HS3ST4: variants seen among roughly 807,000 people sequenced by gnomAD.
HS3ST4 encodes heparan sulfate-glucosamine 3-sulfotransferase 4.
In HS3ST4, 17 loss-of-function variants were observed where a neutral mutation model predicts 29.2. The ratio of observed to expected loss-of-function variants is 0.58; its 90% CI spans 0.40 to 0.87. The LOEUF is 0.87. HS3ST4 is among the 40% of genes least tolerant of loss of function. HS3ST4 has a pLI of 0.00. For synonymous variants in HS3ST4, 314 were observed against 285.7 expected (o/e 1.10, Z -1.00); for missense variants, 627 against 634.5 (o/e 0.99, Z 0.13).
chr16:26,073,783 A>G (rs1489131413), intron 1 of HS3ST4, among the ~76,000 whole-genome samples: 1 of 152,180 alleles, frequency 6.6e-6, no homozygotes, highest in African/African-American at 2.4e-5. Context: ...TATGGTACCA[A>G]ATATCCTGGG....
intron 1 of HS3ST4, among the ~76,000 whole-genome samples, chr16:25,779,412 T>G (rs1455808535): frequency 6.6e-6 from 1 of 152,228 alleles, no homozygotes; most frequent in East Asian, 1.9e-4. Context: ...GATCCAAGGC[T>G]ATGTAAGTCT....
intron 1 of HS3ST4, among the ~76,000 whole-genome samples, chr16:25,839,143 G>T (rs565192360): frequency 5.3e-5 from 8 of 152,266 alleles, no homozygotes; most frequent in African/African-American, 9.6e-5. Flanking sequence ...ATCCTCCTTG[G>T]TATTGATCCT....
intron 1 of HS3ST4, among the ~76,000 whole-genome samples, chr16:26,018,330 T>C (rs1321348327): frequency 2.0e-5 from 3 of 152,150 alleles, no homozygotes; most frequent in Non-Finnish European, 4.4e-5. Flanking sequence ...AGGGGAGTTG[T>C]TGGGGGGCAC....
chr16:26,071,214 A>G (rs1898600049), intron 1 of HS3ST4, among the ~76,000 whole-genome samples: 2 of 152,220 alleles, frequency 1.3e-5, no homozygotes, highest in African/African-American at 2.4e-5. Flanking sequence ...GAGGGAGCAC[A>G]TAAAACAGAA....
intron 1 of HS3ST4, among the ~76,000 whole-genome samples, chr16:25,759,181 T>C (rs1229486421): frequency 1.3e-5 from 2 of 152,122 alleles, no homozygotes; most frequent in Non-Finnish European, 2.9e-5. Context: ...TGACAAATGA[T>C]CAGAGCTCTT....
chr16:25,847,153 A>G (rs564243873), intron 1 of HS3ST4, among the ~76,000 whole-genome samples: 25 of 152,234 alleles, frequency 1.6e-4, no homozygotes, highest in African/African-American at 5.8e-4. Context: ...TGTTTCAGTC[A>G]AGGAACATGG....
At chr16:25,816,416 G>A (rs967322280) in intron 1 of HS3ST4, among the ~76,000 whole-genome samples, 4 of 152,070 alleles carry the variant, frequency 2.6e-5, no homozygotes, top group African/African-American at 4.8e-5. Flanking sequence ...CCAGACTCGT[G>A]GACTGTCTTA....
intron 1 of HS3ST4, among the ~76,000 whole-genome samples, chr16:25,989,181 T>C (rs1969092445): frequency 6.6e-6 from 1 of 152,222 alleles, no homozygotes. Flanking sequence ...CAAAACTCCG[T>C]GATTGGTGTA....
chr16:25,777,111 A>G (rs941308881), intron 1 of HS3ST4, among the ~76,000 whole-genome samples: 4 of 152,192 alleles, frequency 2.6e-5, no homozygotes, highest in Admixed American at 1.3e-4. Context: ...GGTGTCCACA[A>G]TGCTCCCCTG....
At chr16:25,978,762 G>C (rs548363210) in intron 1 of HS3ST4, among the ~76,000 whole-genome samples, 1 of 151,942 alleles carries the variant, frequency 6.6e-6, no homozygotes, top group Admixed American at 6.6e-5. Context: ...ACTTCCTATC[G>C]ATCAGAAACA....
chr16:25,841,266 A>C (rs1488877449), intron 1 of HS3ST4, among the ~76,000 whole-genome samples: 1 of 151,436 alleles, frequency 6.6e-6, no homozygotes, highest in Non-Finnish European at 1.5e-5. Flanking sequence ...CGGCCTCCCA[A>C]AGCGCTGGGA....
At chr16:25,762,902 A>T (rs959681164) in intron 1 of HS3ST4, among the ~76,000 whole-genome samples, 3 of 138,452 alleles carry the variant, frequency 2.2e-5, no homozygotes, top group Non-Finnish European at 4.8e-5. Context: ...AAAAAAAAGA[A>T]AAAAGAAAGA....
At chr16:25,880,066 G>C (rs9929100) in intron 1 of HS3ST4, among the ~76,000 whole-genome samples, 1 of 151,936 alleles carries the variant, frequency 6.6e-6, no homozygotes, top group Non-Finnish European at 1.5e-5. Flanking sequence ...GGATGGGGAC[G>C]CAGCCAAACC....
At chr16:26,066,184 A>G (rs1380721225) in intron 1 of HS3ST4, among the ~76,000 whole-genome samples, 1 of 152,234 alleles carries the variant, frequency 6.6e-6, no homozygotes, top group Non-Finnish European at 1.5e-5. Flanking sequence ...TTACGACATG[A>G]ACACCTGTAT....
intron 1 of HS3ST4, among the ~76,000 whole-genome samples, chr16:26,116,591 T>A (rs576749049): frequency 2.0e-5 from 3 of 152,328 alleles, no homozygotes; most frequent in East Asian, 1.9e-4. Flanking sequence ...ATGATAGCAA[T>A]AACATATGTA....
At chr16:25,899,670 T>A (rs189498320) in intron 1 of HS3ST4, among the ~76,000 whole-genome samples, 106 of 145,836 alleles carry the variant, frequency 7.3e-4, no homozygotes, top group Middle Eastern at 6.8e-3. Flanking sequence ...CACGCTCAGC[T>A]ATTTTTTTTT....
intron 1 of HS3ST4, among the ~76,000 whole-genome samples, chr16:25,715,770 G>A (rs1966450042): frequency 6.6e-6 from 1 of 152,222 alleles, no homozygotes; most frequent in Non-Finnish European, 1.5e-5. Flanking sequence ...TGCCCTCAGT[G>A]CATCAGGTAC....
intron 1 of HS3ST4, among the ~76,000 whole-genome samples, chr16:25,914,831 C>G (rs2141680000): frequency 6.6e-6 from 1 of 151,730 alleles, no homozygotes; most frequent in Non-Finnish European, 1.5e-5. Context: ...GCCCTGGAGG[C>G]TCATGAAGGA....
intron 1 of HS3ST4, among the ~76,000 whole-genome samples, chr16:25,776,867 A>G (rs1029136054): frequency 2.0e-5 from 3 of 152,110 alleles, no homozygotes; most frequent in Admixed American, 2.0e-4. Context: ...TATCTTGGAG[A>G]CTGAGATGTC....
Sources: allele counts gnomAD v4.1 joint callset (sites outside exome capture counted in the v4.1 genomes callset), GRCh38; gene constraint gnomAD v4.1.1; transcripts MANE v1.5; gene names NCBI Gene and HGNC (gene_info 2026-07-23, HGNC 2026-07-21).